Variants in SUPT3H observed in about 807,000 individuals in gnomAD.
The protein encoded by SUPT3H is transcription initiation protein SPT3 homolog.
Under a neutral mutation model 44.3 loss-of-function variants are expected in SUPT3H, and 44 were observed. The ratio of observed to expected loss-of-function variants is 0.99; its 90% CI spans 0.78 to 1.28. SUPT3H has a LOEUF of 1.28. Ranked by LOEUF, SUPT3H falls within the 50% of genes most tolerant of loss-of-function variation. The pLI, the probability that SUPT3H is intolerant of heterozygous loss-of-function variation, is 0.00. For missense variants in SUPT3H, 380 were observed against 387.1 expected, an observed-to-expected ratio of 0.98 and a Z score of 0.15; for synonymous variants, 124 against 125.6, an observed-to-expected ratio of 0.99 and a Z score of 0.09.
rs887430368 is a variant in SUPT3H at position 45,163,728 on chromosome 6, C to T, written c.102-57722G>A. Among the ~76,000 whole-genome samples, 3 of 151,620 alleles carry T rather than the reference C, an allele frequency of 2.0e-5. No homozygotes were observed. The Admixed American group carries it at 2.0e-4, about 10-fold the overall frequency. ...TTACCTTGTTGTCAGAGGATCACTG[C>T]CATACTTTTCAACTCAAATCAACAT... On this transcript the variant is annotated intron_variant, in intron 2 of 10. Coordinates refer to ENST00000371459, the MANE Select transcript of SUPT3H (RefSeq NM_003599.4).
chr6:44,922,378 T>G (rs1217864739), intron 10 of SUPT3H, among the ~76,000 whole-genome samples: 1 of 152,222 alleles, frequency 6.6e-6, no homozygotes, highest in Non-Finnish European at 1.5e-5. Flanking sequence ...ATCCACTTAT[T>G]ATGTTCTGGG....
At chr6:44,909,193 T>C (rs1766625208) in intron 10 of SUPT3H, among the ~76,000 whole-genome samples, 1 of 148,922 alleles carries the variant, frequency 6.7e-6, no homozygotes, top group Admixed American at 6.6e-5. Flanking sequence ...ATTTTGGGAA[T>C]TTTTTCTATA....
chr6:44,985,957 T>C (rs1203842289), intron 6 of SUPT3H, among the ~76,000 whole-genome samples: 1 of 152,190 alleles, frequency 6.6e-6, no homozygotes, highest in African/African-American at 2.4e-5. Context: ...GATAAAGTAA[T>C]CTCTTATCAA....
intron 3 of SUPT3H, among the ~76,000 whole-genome samples, chr6:45,100,199 A>T (rs977678213): frequency 6.6e-6 from 1 of 152,148 alleles, no homozygotes. Context: ...CATGAAATGG[A>T]ACTCAAAAGT....
intron 2 of SUPT3H, among the ~76,000 whole-genome samples, chr6:45,344,737 A>G (rs1035294652): frequency 1.3e-5 from 2 of 152,162 alleles, no homozygotes; most frequent in Non-Finnish European, 2.9e-5. Flanking sequence ...AATCCTAAAT[A>G]TGAAAGGTGA....
At chr6:45,292,548 CG>C (rs771435915) in intron 2 of SUPT3H, among the ~76,000 whole-genome samples, 1 of 151,636 alleles carries the variant, frequency 6.6e-6, no homozygotes, top group African/African-American at 2.4e-5. Flanking sequence ...AGAATGGATA[CG>C]TATCCACCAA....
intron 2 of SUPT3H, among the ~76,000 whole-genome samples, chr6:45,287,367 C>T (rs995758867): frequency 2.6e-4 from 39 of 152,090 alleles, no homozygotes; most frequent in African/African-American, 9.4e-4. Flanking sequence ...TCCAACTGTC[C>T]CTCAGCAGAT....
chr6:45,307,708 G>T (rs971363367), intron 2 of SUPT3H, among the ~76,000 whole-genome samples: 1 of 152,216 alleles, frequency 6.6e-6, no homozygotes, highest in Non-Finnish European at 1.5e-5. Flanking sequence ...AAAAATCAGA[G>T]TGCCTCTCCT....
intron 10 of SUPT3H, among the ~76,000 whole-genome samples, chr6:44,867,931 T>C (rs1298318971): frequency 6.6e-6 from 1 of 151,680 alleles, no homozygotes; most frequent in African/African-American, 2.4e-5. Context: ...TCTCTTTTTC[T>C]ATCCCCCATC....
intron 10 of SUPT3H, among the ~76,000 whole-genome samples, chr6:44,878,911 C>T (rs532679484): frequency 3.4e-4 from 51 of 152,192 alleles, no homozygotes; most frequent in Non-Finnish European, 6.3e-4. Flanking sequence ...TATGCTTTTC[C>T]TAGGGTCTTC....
At chr6:45,214,263 CAG>C (rs1764653703) in intron 2 of SUPT3H, among the ~76,000 whole-genome samples, 1 of 151,616 alleles carries the variant, frequency 6.6e-6, no homozygotes, top group Non-Finnish European at 1.5e-5. Flanking sequence ...GTGAAAATAA[CAG>C]AGAAAAAAAT....
intron 10 of SUPT3H, among the ~76,000 whole-genome samples, chr6:44,904,431 A>G (rs1006233199): frequency 6.6e-6 from 1 of 152,170 alleles, no homozygotes; most frequent in African/African-American, 2.4e-5. Flanking sequence ...TGCTTCAAAG[A>G]GAATAAAATA....
At chr6:45,313,656 T>TAAAA (rs70996323) in intron 2 of SUPT3H, among the ~76,000 whole-genome samples, 45 of 144,690 alleles carry the variant, frequency 3.1e-4, no homozygotes, top group Middle Eastern at 3.5e-3. Context: ...TTAAAAATTA[T>TAAAA]AAAAAAAAAA....
chr6:44,811,213 GAC>G lies in SUPT3H; in HGVS notation c.*53-1714_*53-1713del, dbSNP rs776484152. Among the ~76,000 whole-genome samples, 6 of 152,240 alleles carry G rather than the reference GAC, an allele frequency of 3.9e-5. No individual in the cohort carries two copies. In the East Asian group the frequency reaches 9.7e-4, roughly 25 times the overall value. On this transcript the variant is annotated intron_variant and NMD_transcript_variant, in intron 11 of 11. Coordinates refer to the SUPT3H transcript ENST00000475057. ...TATGATAGTTTCTCAGGCTTTCCTTGACAGTTTTGAGGAGTGTGGTCAGGTAT... is the reference window on the plus strand; with the variant it reads ...TATGATAGTTTCTCAGGCTTTCCTTGAGTTTTGAGGAGTGTGGTCAGGTAT...
chr6:44,887,426 C>T (rs1417961735), intron 10 of SUPT3H, among the ~76,000 whole-genome samples: 2 of 152,282 alleles, frequency 1.3e-5, no homozygotes, highest in East Asian at 1.9e-4. Flanking sequence ...GTCTCTCAGA[C>T]CACAGTGCAA....
intron 2 of SUPT3H, among the ~76,000 whole-genome samples, chr6:45,181,605 C>G (rs1813204325): frequency 6.6e-6 from 1 of 151,358 alleles, no homozygotes; most frequent in South Asian, 2.1e-4. Context: ...TCTCAGTAAA[C>G]CATCGCAAGG....
chr6:45,051,036 CGCCATGCCCAGCTA>C (rs775305549), intron 3 of SUPT3H, among the ~76,000 whole-genome samples: 15 of 151,900 alleles, frequency 9.9e-5, no homozygotes, highest in Non-Finnish European at 5.9e-5. Flanking sequence ...AGGGGCCTGC[CGCCATGCCCAGCTA>C]ATTTTTTGCA....
chr6:44,838,593 A>G (rs1770366866), intron 10 of SUPT3H, among the ~76,000 whole-genome samples: 1 of 152,216 alleles, frequency 6.6e-6, no homozygotes, highest in Non-Finnish European at 1.5e-5. Flanking sequence ...ATGCCAATCT[A>G]TAGGCTAGTC....
At chr6:45,201,278 T>G (rs905017566) in intron 2 of SUPT3H, among the ~76,000 whole-genome samples, 1 of 151,664 alleles carries the variant, frequency 6.6e-6, no homozygotes, top group African/African-American at 2.4e-5. Context: ...TAAATGCAAA[T>G]AATCTCATAC....
Sources: gnomAD v4.1 joint callset for allele counts (sites outside exome capture counted in the v4.1 genomes callset) on GRCh38, gnomAD v4.1.1 for gene constraint, MANE v1.5 for transcripts, NCBI Gene and HGNC (gene_info 2026-07-23, HGNC 2026-07-21) for gene names.